The following CHST11 variants were observed in gnomAD, a reference collection of about 807,000 sequenced individuals.
CHST11 encodes carbohydrate sulfotransferase 11, also known as C4S-1.
CHST11 carries 9 observed loss-of-function variants against 30.4 expected under a neutral mutation model. That is an observed-to-expected ratio of 0.30 (90% CI 0.18 to 0.52). CHST11 has a LOEUF of 0.52. Ranked by LOEUF, CHST11 falls within the 20% of genes least tolerant of loss-of-function variation. The pLI, the probability that CHST11 is intolerant of heterozygous loss-of-function variation, is 0.97. For missense variants in CHST11, 348 were observed against 460.6 expected (o/e 0.76, Z 2.24); for synonymous variants, 152 against 187.8 (o/e 0.81, Z 1.56).
At chr12:104,500,075 TG>T (rs2037838478) in intron 1 of CHST11, among the ~76,000 whole-genome samples, 1 of 152,208 alleles carries the variant, frequency 6.6e-6, no homozygotes, top group African/African-American at 2.4e-5. Context: ...GCCTTGTTAA[TG>T]GTTTGTTTTT....
intron 1 of CHST11, among the ~76,000 whole-genome samples, chr12:104,556,675 T>C (rs182384357): frequency 9.2e-5 from 14 of 152,326 alleles, no homozygotes; most frequent in Admixed American, 7.8e-4. Context: ...TGTGTGTCTC[T>C]GTATTCAGAT....
chr12:104,702,649 C>T (rs67931124), intron 2 of CHST11, among the ~76,000 whole-genome samples: 26,920 of 152,084 alleles, frequency 0.18, 2,834 homozygotes, highest in Non-Finnish European at 0.24. Context: ...GCGACTCCCC[C>T]GCACTGGGGC....
intron 2 of CHST11, among the ~76,000 whole-genome samples, chr12:104,662,695 A>G (rs1242962513): frequency 6.6e-6 from 1 of 152,228 alleles, no homozygotes; most frequent in Non-Finnish European, 1.5e-5. Flanking sequence ...TTGAGAAGAA[A>G]GAAAAAGCTC....
intron 1 of CHST11, among the ~76,000 whole-genome samples, chr12:104,543,658 T>A (rs2038306541): frequency 6.6e-6 from 1 of 152,176 alleles, no homozygotes; most frequent in South Asian, 2.1e-4. Context: ...TGATGTACTT[T>A]ATCTATCAGT....
intron 1 of CHST11, among the ~76,000 whole-genome samples, chr12:104,546,032 C>G (rs2038344753): frequency 6.6e-6 from 1 of 152,166 alleles, no homozygotes; most frequent in Admixed American, 6.5e-5. Context: ...TTACCTCCCA[C>G]AGGCTCCACC....
At chr12:104,626,286 A>G (rs761341574) in intron 2 of CHST11, among the ~76,000 whole-genome samples, 5 of 152,200 alleles carry the variant, frequency 3.3e-5, no homozygotes, top group Admixed American at 6.5e-5. Context: ...GTGAGGTTTT[A>G]TAGTGATTTA....
chr12:104,727,539 G>A (rs1191690776), intron 2 of CHST11, among the ~76,000 whole-genome samples: 2 of 152,230 alleles, frequency 1.3e-5, no homozygotes, highest in African/African-American at 2.4e-5. Flanking sequence ...AGTGTTTTGG[G>A]TATTGGTAGA....
At chr12:104,611,373 C>T (rs1592792857) in intron 2 of CHST11, among the ~76,000 whole-genome samples, 2 of 152,314 alleles carry the variant, frequency 1.3e-5, no homozygotes, top group East Asian at 3.9e-4. Context: ...TGACTGCTGT[C>T]TTGGACAGTG....
At chr12:104,472,052 C>T (rs2037514773) in intron 1 of CHST11, among the ~76,000 whole-genome samples, 1 of 152,078 alleles carries the variant, frequency 6.6e-6, no homozygotes, top group African/African-American at 2.4e-5. Flanking sequence ...CTTTGACCTC[C>T]TGGGCTCAAG....
At position 104,600,949 on chromosome 12, in the gene CHST11, C is replaced by T. The variant is rs1194590021; in HGVS notation, c.119-957C>T. Among the ~76,000 whole-genome samples, 1 of 149,286 alleles carries T rather than the reference C, an allele frequency of 6.7e-6. No homozygotes were observed. Among genetic ancestry groups the T allele is most frequent in the Non-Finnish European group, 1.5e-5 (1 of 67,378 alleles). ...TCCTTTCCTCCTTCCTTTCCTCCCT[C>T]TTTTCCTCTCTCCTTCTTCCCTTCC... On this transcript the variant is annotated intron_variant, in intron 1 of 2. Transcript: ENST00000303694. The surrounding 1 kb of genome is among the most constrained non-coding windows in gnomAD (Gnocchi z 4.1).
chr12:104,609,764 A>G (rs1030384432), intron 2 of CHST11, among the ~76,000 whole-genome samples: 1 of 152,152 alleles, frequency 6.6e-6, no homozygotes, highest in Admixed American at 6.5e-5. Flanking sequence ...AGTTGGTGTT[A>G]ATCAGTAGCC....
intron 2 of CHST11, among the ~76,000 whole-genome samples, chr12:104,642,327 T>A (rs1460534336): frequency 1.3e-5 from 2 of 152,172 alleles, no homozygotes; most frequent in African/African-American, 4.8e-5. Flanking sequence ...CAAAGCGACA[T>A]GCATAGAAGA....
At chr12:104,575,795 C>T (rs1003276097) in intron 1 of CHST11, among the ~76,000 whole-genome samples, 2 of 152,036 alleles carry the variant, frequency 1.3e-5, no homozygotes, top group South Asian at 2.1e-4. Flanking sequence ...CAGAAGGGCC[C>T]GTCCTGCCCT....
rs944998737 is a variant in CHST11, at chr12:104,554,983, G to A, written c.119-46923G>A. ...AGTTACTGGAAAATCCAGTTTCCGA[G>A]CTTGTGATCTCAACTATTTCATTCA... On this transcript the variant is annotated intron_variant, in intron 1 of 2. Transcript: ENST00000303694. Among the ~76,000 whole-genome samples the A allele has an allele frequency of 4.6e-5, 7 of 152,312 alleles. No individual in the cohort carries two copies. The South Asian group carries it at 8.3e-4, about 18-fold the overall frequency.
rs1412840908 is a variant in CHST11, at chr12:104,758,631, G to A, written c.*828G>A. 1.3e-5 allele frequency: 2 copies of A among 152,140 alleles called. No homozygotes were observed. The highest frequency in any genetic ancestry group is 2.4e-5 in the African/African-American group (1 of 41,428). 9.4% of individuals were successfully genotyped at this position (152,140 alleles called of 1,614,324 possible). ...ACCCAATAGTCTTGGCCCTCAAAAA[G>A]CTTTATGTGACATAGAGCATCCAGC... On this transcript the variant is annotated 3_prime_UTR_variant, in exon 3 of 3. Coordinates refer to ENST00000303694, the MANE Select transcript of CHST11 (RefSeq NM_018413.6).
At chr12:104,572,722 C>T (rs1320183682) in intron 1 of CHST11, among the ~76,000 whole-genome samples, 1 of 152,074 alleles carries the variant, frequency 6.6e-6, no homozygotes, top group Non-Finnish European at 1.5e-5. Flanking sequence ...TCCTTCAGTT[C>T]TGCTCTGATC....
chr12:104,545,813 C>T (rs939122983), intron 1 of CHST11, among the ~76,000 whole-genome samples: 2 of 134,394 alleles, frequency 1.5e-5, no homozygotes, highest in Non-Finnish European at 3.2e-5. Flanking sequence ...TAGGGTCTCT[C>T]TCTCTCTTGC....
At chr12:104,645,019 C>T (rs1344488847) in intron 2 of CHST11, among the ~76,000 whole-genome samples, 1 of 152,200 alleles carries the variant, frequency 6.6e-6, no homozygotes, top group African/African-American at 2.4e-5. Context: ...GGCATGATGG[C>T]TCACTGCAAG....
chr12:104,565,258 A>ATTTTTTT (rs66825272), intron 1 of CHST11, among the ~76,000 whole-genome samples: 121 of 72,930 alleles, frequency 1.7e-3, no homozygotes, highest in Non-Finnish European at 2.4e-3. Flanking sequence ...GTTTTCTAGG[A>ATTTTTTT]TTTTTTTTTT....
Sources: gnomAD v4.1 joint callset for allele counts (sites outside exome capture counted in the v4.1 genomes callset) on GRCh38, gnomAD v4.1.1 for gene constraint, Gnocchi (gnomAD v3.1) non-coding constraint, MANE v1.5 for transcripts, NCBI Gene and HGNC (gene_info 2026-07-23, HGNC 2026-07-21) for gene names.